Variants in COL1A2 observed in about 807,000 individuals in gnomAD.
COL1A2 encodes the protein collagen type I alpha 2 chain.
Under a neutral mutation model 174.3 loss-of-function variants are expected in COL1A2, and 49 were observed. The observed-to-expected ratio is 0.28, with a 90% CI of 0.22 to 0.36. The LOEUF (loss-of-function observed/expected upper bound fraction) is 0.36, where lower values mean the gene tolerates loss of function less well. Ranked by LOEUF, COL1A2 falls within the 10% of genes least tolerant of loss-of-function variation. The pLI is 1.00. For synonymous variants in COL1A2, 655 were observed against 606.6 expected (o/e 1.08, Z -1.17); for missense variants, 1,438 against 1,822.7 (o/e 0.79, Z 3.84).
At chr7:94,424,959 A>T (rs771053709) in intron 41 of COL1A2, 158 bp from the exon 42 acceptor site, 7 of 685,532 alleles carry the variant, frequency 1.0e-5, no homozygotes, top group Admixed American at 2.1e-5. Context: ...GAGGGCAGAG[A>T]TGATACTAAT....
rs1458204536 is a variant in COL1A2 at position 94,416,416 on chromosome 7, TC to T, written c.1781del (p.Pro594GlnfsTer88). 1 of 1,576,938 alleles carries T rather than the reference TC, an allele frequency of 6.3e-7. No individual in the cohort carries two copies. The highest frequency in any genetic ancestry group is 8.6e-7 in the Non-Finnish European group (1 of 1,160,350). On this transcript the variant is annotated frameshift_variant, in exon 31 of 52. Transcript: ENST00000297268. LOFTEE classifies it high-confidence loss of function. ...GPAGPRGERG[P>X]PGESGAAGPT... ...ATCACTTTTTTCAGGGGGAACGCGG[TC>T]CCCCAGGTGAGAGTGGTGCTGCCGG...
chr7:94,409,047 A>G (rs572628622), intron 16 of COL1A2, among the ~76,000 whole-genome samples: 1 of 152,310 alleles, frequency 6.6e-6, no homozygotes, highest in East Asian at 1.9e-4. Flanking sequence ...GACAACATGG[A>G]AATTGTCTCT....
intron 2 of COL1A2, 58 bp from the exon 3 acceptor site, chr7:94,398,323 GT>G: frequency 4.9e-6 from 3 of 606,384 alleles, no homozygotes; most frequent in Non-Finnish European, 7.7e-6. Flanking sequence ...AATGGAAGCT[GT>G]TTTTAAATAT....
intron 4 of COL1A2, among the ~76,000 whole-genome samples, chr7:94,399,897 A>G (rs974986285): frequency 3.3e-5 from 5 of 152,190 alleles, no homozygotes; most frequent in African/African-American, 1.2e-4. Flanking sequence ...CATATGAAGC[A>G]CGTGGAACCA....
chr7:94,419,399 T>C (rs1792105698), intron 33 of COL1A2, 99 bp from the exon 34 acceptor site: 4 of 1,341,540 alleles, frequency 3.0e-6, no homozygotes. Context: ...GCAGTGAAAG[T>C]GTTCAGTCAC....
chr7:94,429,510 G>A lies in COL1A2; in HGVS notation c.3954+80G>A, dbSNP rs914298374. ...TAACTTAGACTGCCCCCAAGGGGGG[G>A]TCTAAAGGGGGGTTAAAAGAACAGA... On this transcript the variant is annotated intron_variant, in intron 51 of 51. Coordinates refer to ENST00000297268, the MANE Select transcript of COL1A2 (RefSeq NM_000089.4). 2.7e-6 allele frequency: 4 copies of A among 1,507,374 alleles called. No homozygotes were observed. In the South Asian group the frequency reaches 3.4e-5, roughly 13 times the overall value. 93.4% of individuals were successfully genotyped at this position (1,507,374 alleles called of 1,614,324 possible).
intron 26 of COL1A2, among the ~76,000 whole-genome samples, chr7:94,413,448 G>A (rs931707426): frequency 2.0e-5 from 3 of 152,070 alleles, no homozygotes; most frequent in African/African-American, 2.4e-5. Flanking sequence ...CGCATACTTC[G>A]CTTGAGTCAT....
At chr7:94,415,991 G>C (rs1173982081) in intron 30 of COL1A2, among the ~76,000 whole-genome samples, 1 of 151,890 alleles carries the variant, frequency 6.6e-6, no homozygotes, top group Non-Finnish European at 1.5e-5. Flanking sequence ...TAAAAAGGGG[G>C]CATAGATAGG....
At chr7:94,425,277 G>GA in intron 42 of COL1A2, 53 bp downstream of exon 42, 1 of 1,508,278 alleles carries the variant, frequency 6.6e-7, no homozygotes, top group Middle Eastern at 1.7e-4. Context: ...TTCATTGTGT[G>GA]AAACTTTATG....
At position 94,430,602 on chromosome 7, in the gene COL1A2, T is replaced by A. The variant is rs1299551265; in HGVS notation, c.*209T>A. 8 of 581,348 alleles carry A rather than the reference T, an allele frequency of 1.4e-5. No homozygotes were observed. The highest frequency in any genetic ancestry group is 2.4e-5 in the Non-Finnish European group (8 of 335,090). The allele number at this position is 581,348 out of a possible 1,614,324, so 36.0% of individuals were successfully genotyped here. ...ACTCCTTCCCCCGCTCCCCCAAAAA[T>A]TTGAATTTTTTTTTCAACACTCTTA... is the stretch of plus-strand genomic sequence containing the variant. On this transcript the variant is annotated 3_prime_UTR_variant, in exon 52 of 52. Coordinates refer to ENST00000297268, the MANE Select transcript of COL1A2 (RefSeq NM_000089.4).
intron 1 of COL1A2, among the ~76,000 whole-genome samples, chr7:94,397,236 T>C (rs1039791486): frequency 1.3e-5 from 2 of 152,132 alleles, no homozygotes; most frequent in African/African-American, 4.8e-5. Flanking sequence ...ACTAGGTAAC[T>C]TCAATGTTTT....
At chr7:94,423,222 G>T (rs1191437341) in intron 40 of COL1A2, 104 bp downstream of exon 40, 39 of 1,370,194 alleles carry the variant, frequency 2.8e-5, no homozygotes, top group Non-Finnish European at 3.8e-5. Flanking sequence ...AGTATTGCAG[G>T]CTCTCAAGTA....
chr7:94,406,152 T>G, intron 11 of COL1A2, 98 bp from the exon 12 acceptor site: 1 of 1,283,612 alleles, frequency 7.8e-7, no homozygotes, highest in East Asian at 2.4e-5. Context: ...CAGACAAGAC[T>G]TACCCAAGAG....
At chr7:94,407,271 C>G (rs550013503) in intron 12 of COL1A2, among the ~76,000 whole-genome samples, 12 of 152,190 alleles carry the variant, frequency 7.9e-5, no homozygotes, top group Non-Finnish European at 1.6e-4. Flanking sequence ...TCTCTTAAAC[C>G]ATATTTCCCC....
At chr7:94,426,800 T>C in intron 46 of COL1A2, 2 of 627,722 alleles carry the variant, frequency 3.2e-6, no homozygotes, top group Non-Finnish European at 2.8e-6. Context: ...ATTAGAGGAA[T>C]GACTAATATT....
rs186415126 is a variant in COL1A2 at position 94,407,960 on chromosome 7, T to C, written c.639+69T>C. On this transcript the variant is annotated intron_variant, in intron 13 of 51. Transcript: ENST00000297268. ...TTTATGAGATGGAACTTCTTTAATG[T>C]TTTTGCTAATCACTGTATCCTTCAG... 4.8e-4 allele frequency: 682 copies of C among 1,431,002 alleles called. 5 individuals carry two copies. In the African/African-American group the frequency reaches 8.5e-3, roughly 18 times the overall value. 88.6% of individuals were successfully genotyped at this position (1,431,002 alleles called of 1,614,324 possible).
chr7:94,406,215 T>C (rs1188288948), intron 11 of COL1A2, 35 bp from the exon 12 acceptor site: 3 of 1,607,370 alleles, frequency 1.9e-6, no homozygotes, highest in South Asian at 2.2e-5. Context: ...AACACTATCA[T>C]GGAACAGCAT....
intron 45 of COL1A2, 32 bp downstream of exon 45, chr7:94,426,083 C>T: frequency 3.8e-6 from 6 of 1,582,530 alleles, no homozygotes; most frequent in Non-Finnish European, 5.2e-6. Context: ...CTTTGCAACA[C>T]TAACATTTAG....
rs565057160 is a variant in COL1A2 at position 94,412,099 on chromosome 7, C to T, written c.1382C>T (p.Pro461Leu). 6.2e-7 allele frequency: 1 copy of T among 1,612,832 alleles called. No individual in the cohort carries two copies. Among genetic ancestry groups the T allele is most frequent in the Non-Finnish European group, 8.5e-7 (1 of 1,179,314 alleles). ...GLPGSPGNIGPAGKEGPVGLP... is the reference protein window; with the variant it reads ...GLPGSPGNIGLAGKEGPVGLP... ...CCTGGTTCCCCTGGAAATATCGGCC[C>T]CGCTGGAAAAGAAGGTCCTGTCGTA... Residue 461 changes from proline to leucine, a missense_variant, in exon 24 of 52, where the codon CCC becomes CTC. By Grantham distance (98) the Pro-to-Leu change is moderately conservative. Transcript: ENST00000297268.
Sources: allele counts gnomAD v4.1 joint callset (sites outside exome capture counted in the v4.1 genomes callset), GRCh38; gene constraint gnomAD v4.1.1; transcripts MANE v1.5; gene names NCBI Gene and HGNC (gene_info 2026-07-23, HGNC 2026-07-21).